The following LMAN1 variants were observed in gnomAD, a reference collection of about 807,000 sequenced individuals.
The protein encoded by LMAN1 is lectin, mannose binding 1.
LMAN1 carries 32 observed loss-of-function variants against 67.8 expected under a neutral mutation model. The ratio of observed to expected loss-of-function variants is 0.47; its 90% CI spans 0.36 to 0.63. The LOEUF (loss-of-function observed/expected upper bound fraction) is 0.63, where lower values mean the gene tolerates loss of function less well. Among genes scored for constraint, LMAN1 ranks in the 30% least tolerant of loss-of-function variants. The pLI is 0.00. For synonymous variants in LMAN1, 235 were observed against 219.3 expected, an observed-to-expected ratio of 1.07 and a Z score of -0.63; for missense variants, 632 against 628.2, an observed-to-expected ratio of 1.01 and a Z score of -0.06.
chr18:59,355,158 T>C (rs1344130180), intron 3 of LMAN1, among the ~76,000 whole-genome samples, 155 bp downstream of exon 3: 5 of 152,232 alleles, frequency 3.3e-5, no homozygotes, highest in African/African-American at 1.2e-4. Flanking sequence ...GATACATTCC[T>C]AGCTATATAA....
rs1568118578 is a variant in LMAN1, at chr18:59,355,299, G to A, written c.477+14C>T. ...ATGTATTAAAGTGGATAACAGTCCT[G>A]ACAATAAATATACCTTTCCATCATT... On this transcript the variant is annotated intron_variant, in intron 3 of 12. Transcript: ENST00000251047. 2 of 1,577,212 alleles carry A rather than the reference G, an allele frequency of 1.3e-6. No individual in the cohort carries two copies. The highest frequency in any genetic ancestry group is 1.7e-6 in the Non-Finnish European group (2 of 1,148,950).
chr18:59,355,225 G>T, intron 3 of LMAN1, 88 bp downstream of exon 3: 1 of 983,492 alleles, frequency 1.0e-6, no homozygotes, highest in Non-Finnish European at 1.6e-6. Context: ...TCAAACTGAT[G>T]AAAGCATTGA....
chr18:59,348,569 A>G (rs923156354), intron 6 of LMAN1, among the ~76,000 whole-genome samples: 2 of 152,274 alleles, frequency 1.3e-5, no homozygotes, highest in African/African-American at 4.8e-5. Flanking sequence ...AATGTGTCAT[A>G]TAAACATAAA....
At chr18:59,347,180 G>A (rs945782315) in intron 7 of LMAN1, among the ~76,000 whole-genome samples, 13 of 149,832 alleles carry the variant, frequency 8.7e-5, no homozygotes, top group Non-Finnish European at 1.5e-4. Flanking sequence ...GCAACCTCTC[G>A]CTCCCAGGTT....
chr18:59,354,472 C>G, intron 4 of LMAN1, 47 bp downstream of exon 4: 1 of 1,039,044 alleles, frequency 9.6e-7, no homozygotes, highest in South Asian at 1.3e-5. Flanking sequence ...CATAAGGATT[C>G]CAAAAAGAAG....
chr18:59,355,632 G>T lies in LMAN1; in HGVS notation c.241C>A (p.Arg81=). ...GNAIPSSDQI[R]VAPSLKSQRG... ...TGGCTTTTTAAAGATGGTGCTACTC[G>T]AATTTGATCTGAACTTGGAATAGCA... The change falls in exon 2 of 13, where the codon CGA becomes AGA. Residue 81 remains arginine (R), a synonymous_variant. Transcript: ENST00000251047. The T allele has an allele frequency of 6.2e-7, 1 of 1,613,922 alleles. No homozygotes were observed. The highest frequency in any genetic ancestry group is 1.1e-5 in the South Asian group (1 of 91,070).
chr18:59,340,983 TA>T, intron 8 of LMAN1, among the ~76,000 whole-genome samples: 1 of 152,244 alleles, frequency 6.6e-6, no homozygotes, highest in South Asian at 2.1e-4. Flanking sequence ...AAACTTAGGT[TA>T]TTCATAAAGA....
intron 1 of LMAN1, among the ~76,000 whole-genome samples, chr18:59,357,362 A>C (rs1908682990): frequency 6.6e-6 from 1 of 152,212 alleles, no homozygotes; most frequent in Admixed American, 6.5e-5. Context: ...AGTGTATGTG[A>C]GTGTGAGAAA....
intron 10 of LMAN1, among the ~76,000 whole-genome samples, chr18:59,335,611 T>A (rs189058102): frequency 4.9e-4 from 74 of 152,276 alleles, no homozygotes; most frequent in East Asian, 5.8e-4. Flanking sequence ...GATATACACA[T>A]GCTCTGCCCC....
intron 11 of LMAN1, among the ~76,000 whole-genome samples, chr18:59,332,799 A>C (rs2070755550): frequency 6.6e-6 from 1 of 152,222 alleles, no homozygotes; most frequent in African/African-American, 2.4e-5. Context: ...ATACACTTTA[A>C]GCAATCCATG....
intron 10 of LMAN1, among the ~76,000 whole-genome samples, chr18:59,336,703 G>A (rs1908155459): frequency 6.6e-6 from 1 of 151,958 alleles, no homozygotes; most frequent in Admixed American, 6.6e-5. Flanking sequence ...GGGCAACATG[G>A]CAAAATCCCA....
intron 5 of LMAN1, 87 bp downstream of exon 5, chr18:59,353,115 G>C: frequency 8.7e-7 from 1 of 1,150,040 alleles, no homozygotes; most frequent in Admixed American, 1.7e-5. Context: ...CCAAATTTAA[G>C]TGCATTTAAT....
intron 11 of LMAN1, among the ~76,000 whole-genome samples, chr18:59,331,981 C>G (rs1278653468): frequency 1.3e-5 from 2 of 152,174 alleles, no homozygotes; most frequent in African/African-American, 4.8e-5. Flanking sequence ...AACAGACTGG[C>G]TTTTTCTCAG....
rs41499255 is a variant in LMAN1, at chr18:59,331,453, C to T, written c.1461G>A (p.Val487=). ...TATAACCAATGAATAATACAGTTTGCACCACAACAAATATAATGAAGTGGA... is the reference window on the plus strand; with the variant it reads ...TATAACCAATGAATAATACAGTTTGTACCACAACAAATATAATGAAGTGGA... ...STVHFIIFVV[V]QTVLFIGYIM... Residue 487 remains valine, a synonymous_variant, in exon 12 of 13, where the codon GTG becomes GTA. Coordinates refer to ENST00000251047, the MANE Select transcript of LMAN1 (RefSeq NM_005570.4). 733 of 1,609,294 alleles carry T rather than the reference C, an allele frequency of 4.6e-4. 4 individuals carry two copies. The African/African-American group carries it at 8.7e-3, about 19-fold the overall frequency.
At chr18:59,357,709 CGCTTCCTAAAAGGGT>C (rs1433132507) in intron 1 of LMAN1, among the ~76,000 whole-genome samples, 2 of 152,030 alleles carry the variant, frequency 1.3e-5, no homozygotes, top group African/African-American at 4.8e-5. Context: ...AGAGAAATAG[CGCTTCCTAAAAGGGT>C]GCTTCCTATT....
intron 8 of LMAN1, 61 bp from the exon 9 acceptor site, chr18:59,339,014 A>G: frequency 6.9e-7 from 1 of 1,454,520 alleles, no homozygotes; most frequent in Middle Eastern, 1.7e-4. Flanking sequence ...TTTTGAAATA[A>G]CGTAAGTGAC....
Position 59,355,662 on chromosome 18 carries a change from G to C in LMAN1, c.215-4C>G. The C allele has an allele frequency of 1.2e-6, 2 of 1,613,140 alleles. No individual in the cohort carries two copies. Among genetic ancestry groups the C allele is most frequent in the Non-Finnish European group, 1.7e-6 (2 of 1,179,810 alleles). ...TGATCTGAACTTGGAATAGCATCTA[G>C]AACAGAAATCAGGGGAAAAAAGCTT... On this transcript the variant is annotated splice_region_variant and splice_polypyrimidine_tract_variant and intron_variant, in intron 1 of 12. Coordinates refer to ENST00000251047, the MANE Select transcript of LMAN1 (RefSeq NM_005570.4).
At position 59,349,101 on chromosome 18, in the gene LMAN1, T is replaced by C. The variant is rs578112162; in HGVS notation, c.763+12A>G. 8.1e-6 allele frequency: 13 copies of C among 1,613,976 alleles called. No homozygotes were observed. In the South Asian group the frequency reaches 1.4e-4, roughly 18 times the overall value. On this transcript the variant is annotated intron_variant, in intron 6 of 12. Coordinates refer to ENST00000251047, the MANE Select transcript of LMAN1 (RefSeq NM_005570.4). ...TCACAAACTTTTAATATCATCAGAC[T>C]GCAAGATTTACCTGCAAGACCTCCA...
intron 8 of LMAN1, among the ~76,000 whole-genome samples, chr18:59,342,114 T>C (rs1737768192): frequency 6.6e-6 from 1 of 151,920 alleles, no homozygotes. Context: ...CACAACTTTC[T>C]GAGACTGAAA....
Sources: allele counts gnomAD v4.1 joint callset (sites outside exome capture counted in the v4.1 genomes callset), GRCh38; gene constraint gnomAD v4.1.1; transcripts MANE v1.5; gene names NCBI Gene and HGNC (gene_info 2026-07-23, HGNC 2026-07-21).